Variants in PITPNM3 observed in about 807,000 individuals in gnomAD.
PITPNM3 encodes membrane-associated phosphatidylinositol transfer protein 3.
Under a neutral mutation model 102.0 loss-of-function variants are expected in PITPNM3, and 26 were observed. The observed-to-expected ratio is 0.25, with a 90% confidence interval of 0.19 to 0.35. PITPNM3 has a LOEUF of 0.35. Among genes scored for constraint, PITPNM3 ranks in the 10% least tolerant of loss-of-function variants. The pLI is 1.00. For synonymous variants in PITPNM3, 578 were observed against 558.6 expected, an observed-to-expected ratio of 1.03 and a Z score of -0.49; for missense variants, 1,083 against 1,346.1, an observed-to-expected ratio of 0.80 and a Z score of 3.06.
chr17:6,484,152 G>C (rs888146556), intron 5 of PITPNM3, 64 bp downstream of exon 5: 1 of 1,497,814 alleles, frequency 6.7e-7, no homozygotes, highest in African/African-American at 1.4e-5. Flanking sequence ...CCTATGATCC[G>C]AGGGCTCTTG....
At chr17:6,518,814 C>T (rs1383636479) in intron 3 of PITPNM3, among the ~76,000 whole-genome samples, 4 of 152,146 alleles carry the variant, frequency 2.6e-5, no homozygotes, top group African/African-American at 9.7e-5. Context: ...GAAGTCATAA[C>T]TTTCGGAAGT....
chr17:6,517,246 A>G lies in PITPNM3; in HGVS notation c.226+8110T>C, dbSNP rs370554195. ...CTATATGCTACAAAGGGCAAATTTTACTGAATATAAATCATAGCTCAAAAT... is the reference window on the plus strand; with the variant it reads ...CTATATGCTACAAAGGGCAAATTTTGCTGAATATAAATCATAGCTCAAAAT... On this transcript the variant is annotated intron_variant, in intron 3 of 19. Coordinates refer to ENST00000262483, the MANE Select transcript of PITPNM3 (RefSeq NM_031220.4). This position sits in a 1 kb window ranked among gnomAD's most constrained non-coding sequence, Gnocchi z 4.1. Among the ~76,000 whole-genome samples, 8 of 152,270 alleles carry G rather than the reference A, an allele frequency of 5.3e-5. No individual in the cohort carries two copies. The East Asian group carries it at 7.7e-4, about 15-fold the overall frequency.
At chr17:6,482,655 C>T (rs957077827) in intron 6 of PITPNM3, among the ~76,000 whole-genome samples, 2 of 152,092 alleles carry the variant, frequency 1.3e-5, no homozygotes, top group African/African-American at 4.8e-5. Context: ...TGGGACCAAG[C>T]TCTCACCCCG....
intron 2 of PITPNM3, among the ~76,000 whole-genome samples, chr17:6,534,809 C>T (rs966678858): frequency 3.3e-5 from 5 of 151,842 alleles, no homozygotes; most frequent in Non-Finnish European, 5.9e-5. Flanking sequence ...GGGATCACGA[C>T]GGCGGTTATG....
intron 17 of PITPNM3, among the ~76,000 whole-genome samples, chr17:6,463,420 A>AGGGAGGCAGGGAGGGAAGGG (rs1904578330): frequency 1.5e-5 from 2 of 135,282 alleles, no homozygotes; most frequent in Admixed American, 1.5e-4. Flanking sequence ...GAGTGCAGGG[A>AGGGAGGCAGGGAGGGAAGGG]GGGAGGCAGG....
chr17:6,522,442 G>A (rs8082394), intron 3 of PITPNM3, among the ~76,000 whole-genome samples: 3,843 of 152,286 alleles, frequency 0.025, 144 homozygotes, highest in African/African-American at 0.087. Flanking sequence ...TTAAAGGGAA[G>A]AAGGTTGGCT....
At chr17:6,506,058 T>A (rs775636122) in intron 3 of PITPNM3, among the ~76,000 whole-genome samples, 63 of 152,076 alleles carry the variant, frequency 4.1e-4, no homozygotes, top group Admixed American at 1.1e-3. Flanking sequence ...CATTTACAGA[T>A]AAGAAGGAAG....
chr17:6,502,052 C>T (rs938815917), intron 4 of PITPNM3, among the ~76,000 whole-genome samples: 4 of 152,240 alleles, frequency 2.6e-5, no homozygotes, highest in Admixed American at 2.6e-4. Flanking sequence ...TGGCCTGATG[C>T]CCTTATGGCC....
intron 3 of PITPNM3, 108 bp downstream of exon 3, chr17:6,525,248 T>C (rs1051284096): frequency 1.4e-5 from 14 of 987,958 alleles, no homozygotes; most frequent in South Asian, 7.7e-5. Flanking sequence ...CCAAGGCAGA[T>C]AGACTCTTCA....
intron 3 of PITPNM3, among the ~76,000 whole-genome samples, chr17:6,509,721 C>G (rs1445621875): frequency 2.6e-5 from 4 of 152,180 alleles, no homozygotes; most frequent in Non-Finnish European, 5.9e-5. Context: ...TTGAGACTCA[C>G]GCTCATTACC....
At chr17:6,528,376 G>A (rs1908952819) in intron 2 of PITPNM3, among the ~76,000 whole-genome samples, 1 of 151,988 alleles carries the variant, frequency 6.6e-6, no homozygotes, top group Non-Finnish European at 1.5e-5. Context: ...CCTGTCCTCA[G>A]GATCTCTCCA....
intron 2 of PITPNM3, among the ~76,000 whole-genome samples, chr17:6,529,930 C>T (rs76546119): frequency 6.6e-6 from 1 of 152,228 alleles, no homozygotes; most frequent in African/African-American, 2.4e-5. Flanking sequence ...TTCCCCTCCC[C>T]CAATGGGGGA....
rs73975558 is a variant in PITPNM3, at chr17:6,473,201, C to G, written c.1259-374G>C. ...TTACCACCTGACCTAGGAAGCCAAC[C>G]CAGGTTCCTTCAGGCAGGTCAGCTG... On this transcript the variant is annotated intron_variant, in intron 10 of 19. Transcript: ENST00000262483. 2,330 of 338,636 alleles carry G rather than the reference C, an allele frequency of 6.9e-3. 41 individuals are homozygous for G. The highest frequency in any genetic ancestry group is 0.044 in the African/African-American group (2,045 of 46,930). 21.0% of individuals were successfully genotyped at this position (338,636 alleles called of 1,614,324 possible).
intron 3 of PITPNM3, among the ~76,000 whole-genome samples, chr17:6,505,483 C>A (rs1907448838): frequency 1.3e-5 from 2 of 152,280 alleles, no homozygotes; most frequent in South Asian, 4.1e-4. Context: ...TGGACACCGT[C>A]ATAGAGCAGT....
At chr17:6,502,358 C>T (rs1021883327) in intron 4 of PITPNM3, among the ~76,000 whole-genome samples, 3 of 152,016 alleles carry the variant, frequency 2.0e-5, no homozygotes, top group Non-Finnish European at 4.4e-5. Flanking sequence ...GAGGCTGAGG[C>T]GGGAGAATGA....
rs1312320530 is a variant in PITPNM3 at position 6,452,859 on chromosome 17, G to A, written c.*2479C>T. 6.6e-6 allele frequency: 1 copy of A among 152,120 alleles called. No individual in the cohort carries two copies. The highest frequency in any genetic ancestry group is 2.4e-5 in the African/African-American group (1 of 41,412). The allele number at this position is 152,120 out of a possible 1,614,324, so 9.4% of individuals were successfully genotyped here. A position where few individuals can be genotyped will look rare whatever the true frequency, so the allele number is the denominator to read the frequency against. On this transcript the variant is annotated 3_prime_UTR_variant, in exon 20 of 20. Transcript: ENST00000262483. ...AGGAAGGGGTGGTGGCCCTCCTGCT[G>A]GGTCCTGTGTCCCAGCTCTGACCCC...
chr17:6,505,860 G>T (rs372016865), intron 3 of PITPNM3, among the ~76,000 whole-genome samples: 1 of 152,202 alleles, frequency 6.6e-6, no homozygotes, highest in African/African-American at 2.4e-5. Flanking sequence ...AATGAGAGGC[G>T]AGACCGGCGG....
In PITPNM3 at chr17:6,455,133, A is replaced by C. The variant is rs1284294701; in HGVS notation, c.*205T>G. 1 of 618,324 alleles carries C rather than the reference A, an allele frequency of 1.6e-6. No homozygotes were observed. The highest frequency in any genetic ancestry group is 2.6e-6 in the Non-Finnish European group (1 of 378,580). 38.3% of individuals were successfully genotyped at this position (618,324 alleles called of 1,614,324 possible). A position where few individuals can be genotyped will look rare whatever the true frequency, so the allele number is the denominator to read the frequency against. On this transcript the variant is annotated 3_prime_UTR_variant, in exon 20 of 20. Transcript: ENST00000262483. ...GTGGGAGGCAGCAGTGGCTGCACCG[A>C]GATCCCCGGACCTCACCCCGTCGCA...
chr17:6,489,788 G>A (rs546556353), intron 4 of PITPNM3, among the ~76,000 whole-genome samples: 5 of 152,232 alleles, frequency 3.3e-5, no homozygotes, highest in African/African-American at 1.2e-4. Context: ...GGCAGATCAC[G>A]AGGTCAGGAG....
Sources: gnomAD v4.1 joint callset for allele counts (sites outside exome capture counted in the v4.1 genomes callset) on GRCh38, gnomAD v4.1.1 for gene constraint, Gnocchi (gnomAD v3.1) non-coding constraint, MANE v1.5 for transcripts, NCBI Gene and HGNC (gene_info 2026-07-23, HGNC 2026-07-21) for gene names.